Variants in CCDC144A observed in about 807,000 individuals in gnomAD.
The protein encoded by CCDC144A is coiled-coil domain containing 144A.
CCDC144A carries 41 observed loss-of-function variants against 143.8 expected under a neutral mutation model. That is an observed-to-expected ratio of 0.29 (90% CI 0.22 to 0.37). The LOEUF is 0.37. Ranked by LOEUF, CCDC144A falls within the 10% of genes least tolerant of loss-of-function variation. The probability of loss-of-function intolerance (pLI) is 1.00; values close to 1 mark genes in which losing one functional copy is unlikely to be tolerated. For missense variants in CCDC144A, 637 were observed against 1,488.8 expected (o/e 0.43, Z 9.41); for synonymous variants, 242 against 517.9 (o/e 0.47, Z 7.23).
intron 12 of CCDC144A, among the ~76,000 whole-genome samples, chr17:16,757,228 G>A (rs1216794273): frequency 6.6e-6 from 1 of 152,266 alleles, no homozygotes; most frequent in Non-Finnish European, 1.5e-5. Context: ...TCCCTTGGTA[G>A]CATGCATGGG....
chr17:16,749,200 ATCTG>A (rs771068573), intron 12 of CCDC144A, among the ~76,000 whole-genome samples: 2 of 151,936 alleles, frequency 1.3e-5, no homozygotes, highest in Non-Finnish European at 2.9e-5. Flanking sequence ...TTAATTACAG[ATCTG>A]TCTAACTTTT....
rs1172937436 is a variant in CCDC144A, at chr17:16,734,685, C to T, written c.2419-5C>T. The stretch of plus-strand genomic sequence containing the variant: ...GTGCTACTGAATGTTTCCTTTCTTA[C>T]TTAGATTTCTCATAGGCATCAGAAA... On this transcript the variant is annotated splice_region_variant and splice_polypyrimidine_tract_variant and intron_variant, in intron 11 of 16. Transcript: ENST00000399273. 2 of 1,526,734 alleles carry T rather than the reference C, an allele frequency of 1.3e-6. No individual in the cohort carries two copies. Among genetic ancestry groups the T allele is most frequent in the Non-Finnish European group, 1.8e-6 (2 of 1,142,460 alleles). 94.6% of individuals were successfully genotyped at this position (1,526,734 alleles called of 1,614,324 possible).
At chr17:16,729,579 G>T (rs1345590320) in intron 9 of CCDC144A, among the ~76,000 whole-genome samples, 1 of 152,050 alleles carries the variant, frequency 6.6e-6, no homozygotes, top group Non-Finnish European at 1.5e-5. Flanking sequence ...TTTTGAGGCA[G>T]AGTTTCACTC....
chr17:16,719,349 A>T (rs1457167339), intron 6 of CCDC144A, among the ~76,000 whole-genome samples: 1 of 152,256 alleles, frequency 6.6e-6, no homozygotes, highest in East Asian at 1.9e-4. Context: ...TTTTGAAAGT[A>T]GGTTTCTAAA....
At chr17:16,749,127 G>C (rs1914669401) in intron 12 of CCDC144A, among the ~76,000 whole-genome samples, 1 of 151,902 alleles carries the variant, frequency 6.6e-6, no homozygotes, top group South Asian at 2.1e-4. Flanking sequence ...TTTCTTTTCT[G>C]TTGCCAGCTT....
At chr17:16,731,521 G>A (rs2143233370) in intron 9 of CCDC144A, 1 of 160,034 alleles carries the variant, frequency 6.2e-6, no homozygotes, top group African/African-American at 2.4e-5. Flanking sequence ...TAACTTTACT[G>A]AAAAATTTCA....
intron 12 of CCDC144A, chr17:16,746,473 C>A: frequency 6.2e-7 from 1 of 1,613,658 alleles, no homozygotes; most frequent in Non-Finnish European, 8.5e-7. Flanking sequence ...TCTCCCCCAG[C>A]AGAGTCTCAG....
intron 8 of CCDC144A, among the ~76,000 whole-genome samples, chr17:16,726,293 AT>A (rs1289860674): frequency 1.3e-5 from 2 of 150,026 alleles, no homozygotes; most frequent in African/African-American, 4.9e-5. Context: ...AGGCAGGAGA[AT>A]GGCGTGAACC....
intron 2 of CCDC144A, among the ~76,000 whole-genome samples, chr17:16,702,170 G>A (rs1283836019): frequency 6.6e-6 from 1 of 152,122 alleles, no homozygotes. Context: ...GGCACATTCT[G>A]GCAGCTTGAG....
chr17:16,700,210 C>T (rs1281943904), intron 2 of CCDC144A, among the ~76,000 whole-genome samples: 2 of 152,210 alleles, frequency 1.3e-5, no homozygotes, highest in Non-Finnish European at 2.9e-5. Flanking sequence ...AAGCCAGGCA[C>T]AAGCTACAGG....
intron 12 of CCDC144A, among the ~76,000 whole-genome samples, chr17:16,753,945 G>A (rs1914947154): frequency 6.6e-6 from 1 of 152,232 alleles, no homozygotes; most frequent in South Asian, 2.1e-4. Flanking sequence ...GTAGAATTCA[G>A]AGTAACTTAC....
intron 6 of CCDC144A, among the ~76,000 whole-genome samples, chr17:16,719,994 AATG>A (rs1912995074): frequency 6.6e-6 from 1 of 152,096 alleles, no homozygotes; most frequent in Non-Finnish European, 1.5e-5. Flanking sequence ...TTTATCCCTT[AATG>A]TTGCTGTTTC....
At chr17:16,680,555 AAGAG>A in the CCDC144A span, among the ~76,000 whole-genome samples, 2 of 150,446 alleles carry the variant, frequency 1.3e-5, no homozygotes, top group African/African-American at 2.5e-5. Context: ...GAAAGAAAGA[AAGAG>A]AGAGAGAGAA....
intron 12 of CCDC144A, among the ~76,000 whole-genome samples, chr17:16,752,212 G>A (rs1323279121): frequency 1.3e-5 from 2 of 152,186 alleles, no homozygotes; most frequent in South Asian, 2.1e-4. Context: ...ATAGGAGCGC[G>A]AGCCGTGTTG....
At position 16,709,361 on chromosome 17, in the gene CCDC144A, T is replaced by C. The variant is rs780456264; in HGVS notation, c.1304T>C (p.Val435Ala). 19 of 1,611,520 alleles carry C rather than the reference T, an allele frequency of 1.2e-5. No homozygotes were observed. The South Asian group carries it at 2.0e-4, about 17-fold the overall frequency. Residue 435 changes from valine to alanine, a missense_variant, in exon 5 of 17, where the codon GTG becomes GCG. By Grantham distance (64) the Val-to-Ala change is moderately conservative (BLOSUM62 0). Transcript: ENST00000399273. ...ACTAAGAAAGCAAGGAACCCAGAAG[T>C]GGTTATGGTTGAAATGAAAGAAGAC... is the stretch of plus-strand genomic sequence containing the variant. ...ASTKKARNPE[V>A]VMVEMKEDQE...
intron 12 of CCDC144A, among the ~76,000 whole-genome samples, chr17:16,750,571 A>C (rs1178952352): frequency 6.6e-6 from 1 of 151,384 alleles, no homozygotes; most frequent in Non-Finnish European, 1.5e-5. Context: ...AATTTCTTGA[A>C]TTTTTCCATC....
At chr17:16,670,038 G>C in the CCDC144A span, among the ~76,000 whole-genome samples, 1 of 151,724 alleles carries the variant, frequency 6.6e-6, no homozygotes, top group Admixed American at 6.6e-5. Context: ...AAAATTAGCC[G>C]GGCATGATGG....
chr17:16,758,196 C>T (rs1915188830), intron 12 of CCDC144A, among the ~76,000 whole-genome samples: 4 of 151,600 alleles, frequency 2.6e-5, no homozygotes, highest in African/African-American at 4.8e-5. Context: ...AAGATTTCTA[C>T]CACTTGAAAA....
rs1318925220 is a variant in CCDC144A at position 16,756,954 on chromosome 17, G to GGTGA, written c.3373-4469_3373-4466dup. Among the ~76,000 whole-genome samples the GGTGA allele has an allele frequency of 2.0e-5, 3 of 152,264 alleles. No homozygotes were observed. In the East Asian group the frequency reaches 5.8e-4, roughly 29 times the overall value. On this transcript the variant is annotated intron_variant, in intron 12 of 16. Transcript: ENST00000399273. ...GGTTGTTAGTAGCAGGGGATGCTGT[G>GGTGA]GTGAGGCCTTGATGGTGATGGGGAG...
Sources: allele counts gnomAD v4.1 joint callset (sites outside exome capture counted in the v4.1 genomes callset), GRCh38; gene constraint gnomAD v4.1.1; transcripts MANE v1.5; gene names NCBI Gene and HGNC (gene_info 2026-07-23, HGNC 2026-07-21).